RAD51B: variants seen among roughly 807,000 people sequenced by gnomAD.
The protein encoded by RAD51B is RAD51 paralog B, also known as DNA repair protein RAD51 homolog 2.
A neutral mutation model predicts 42.2 loss-of-function variants in RAD51B; 38 were observed. The observed-to-expected ratio is 0.90, with a 90% CI of 0.70 to 1.18. RAD51B has a LOEUF of 1.18. Among genes scored for constraint, RAD51B ranks in the 50% most tolerant of loss-of-function variants. RAD51B has a pLI of 0.00. For synonymous variants in RAD51B, 154 were observed against 145.2 expected, an observed-to-expected ratio of 1.06 and a Z score of -0.43; for missense variants, 373 against 400.7, an observed-to-expected ratio of 0.93 and a Z score of 0.59.
In RAD51B at chr14:68,127,414, T is replaced by C. The variant is rs114667243; in HGVS notation, c.757-164470T>C. Among the ~76,000 whole-genome samples the C allele has an allele frequency of 4.8e-3, 737 of 152,244 alleles. 3 individuals are homozygous for C. Among genetic ancestry groups the C allele is most frequent in the African/African-American group, 0.017 (704 of 41,512 alleles). ...CAAATTCCATGGGGATAGGACTAAG[T>C]CCTCCATCTGTATTAACCCAGGGCC... On this transcript the variant is annotated intron_variant, in intron 7 of 10. Coordinates refer to ENST00000471583, the MANE Select transcript of RAD51B (RefSeq NM_133510.4).
intron 10 of RAD51B, among the ~76,000 whole-genome samples, chr14:68,586,077 A>G (rs1595000492): frequency 7.0e-6 from 1 of 143,006 alleles, no homozygotes; most frequent in Non-Finnish European, 1.5e-5. Flanking sequence ...CCTTACCCCC[A>G]TCACCTCCTA....
chr14:68,620,500 G>A (rs1595032172), intron 10 of RAD51B, among the ~76,000 whole-genome samples: 2 of 152,226 alleles, frequency 1.3e-5, no homozygotes, highest in African/African-American at 4.8e-5. Flanking sequence ...TCAAGGCTTA[G>A]AGAGTATAGT....
chr14:68,278,677 T>C (rs1038705316), intron 7 of RAD51B, among the ~76,000 whole-genome samples: 1 of 152,220 alleles, frequency 6.6e-6, no homozygotes, highest in African/African-American at 2.4e-5. Context: ...TGTTTGTTTG[T>C]TTTGTTTTGT....
chr14:68,018,596 G>C (rs1329757721), intron 7 of RAD51B, among the ~76,000 whole-genome samples: 1 of 152,044 alleles, frequency 6.6e-6, no homozygotes, highest in Non-Finnish European at 1.5e-5. Flanking sequence ...GGAATTCCCG[G>C]AACTTCTTAG....
chr14:68,562,547 C>T lies in RAD51B; in HGVS notation c.1037-31938C>T, dbSNP rs893257184. On this transcript the variant is annotated intron_variant, in intron 10 of 10. Coordinates refer to the RAD51B transcript ENST00000487270. ...CAGCACCCACAGCCATGTTTTGGCA[C>T]GTGGCAAACTAACTCCTTTTGTGTA... The T allele has an allele frequency of 1.1e-5, 11 of 985,308 alleles. No individual in the cohort carries two copies. In the African/African-American group the frequency reaches 1.4e-4, roughly 13 times the overall value. 61.0% of individuals were successfully genotyped at this position (985,308 alleles called of 1,614,324 possible).
intron 5 of RAD51B, among the ~76,000 whole-genome samples, chr14:67,871,001 A>G (rs2042510294): frequency 6.6e-6 from 1 of 151,826 alleles, no homozygotes; most frequent in African/African-American, 2.4e-5. Context: ...TCCAAAATTG[A>G]CAGCCTAACA....
chr14:68,332,217 C>G (rs186819169), intron 8 of RAD51B, among the ~76,000 whole-genome samples: 29 of 152,220 alleles, frequency 1.9e-4, no homozygotes, highest in Admixed American at 8.5e-4. Flanking sequence ...TACTGTATTA[C>G]CCACCCATCC....
At chr14:68,132,734 CAG>C (rs1374583857) in intron 7 of RAD51B, among the ~76,000 whole-genome samples, 1 of 152,224 alleles carries the variant, frequency 6.6e-6, no homozygotes, top group Non-Finnish European at 1.5e-5. Context: ...CTGCTTCTCT[CAG>C]AGTATTAGCT....
At chr14:67,975,553 C>A (rs2074976976) in intron 7 of RAD51B, among the ~76,000 whole-genome samples, 1 of 152,220 alleles carries the variant, frequency 6.6e-6, no homozygotes, top group Non-Finnish European at 1.5e-5. Flanking sequence ...TTTAATTGAG[C>A]AAATCTGGCG....
At chr14:68,567,876 A>G (rs1019202863) in intron 10 of RAD51B, among the ~76,000 whole-genome samples, 1 of 152,196 alleles carries the variant, frequency 6.6e-6, no homozygotes, top group Non-Finnish European at 1.5e-5. Flanking sequence ...GGATTCTACC[A>G]TAGTGCCTGG....
chr14:67,944,040 GAC>G (rs1462953633), intron 7 of RAD51B, among the ~76,000 whole-genome samples: 1 of 152,054 alleles, frequency 6.6e-6, no homozygotes, highest in African/African-American at 2.4e-5. Flanking sequence ...GATCTGAACA[GAC>G]ACAGTAGATG....
At chr14:67,928,107 C>T (rs2044591625) in intron 7 of RAD51B, among the ~76,000 whole-genome samples, 1 of 152,106 alleles carries the variant, frequency 6.6e-6, no homozygotes, top group Non-Finnish European at 1.5e-5. Context: ...TGGTAGAATT[C>T]AGCAGTGACT....
chr14:68,084,168 T>A (rs1295713188), intron 7 of RAD51B, among the ~76,000 whole-genome samples: 1 of 152,244 alleles, frequency 6.6e-6, no homozygotes, highest in Non-Finnish European at 1.5e-5. Flanking sequence ...ACTAAGGCAT[T>A]ATTTAAACTT....
chr14:68,308,478 A>G (rs1481806211), intron 8 of RAD51B, among the ~76,000 whole-genome samples: 1 of 152,166 alleles, frequency 6.6e-6, no homozygotes, highest in Non-Finnish European at 1.5e-5. Context: ...ATTATTTAAG[A>G]TAATAAAAGG....
intron 7 of RAD51B, among the ~76,000 whole-genome samples, chr14:67,901,405 T>A (rs967548702): frequency 6.6e-6 from 1 of 152,176 alleles, no homozygotes; most frequent in African/African-American, 2.4e-5. Flanking sequence ...ATCATATTTC[T>A]TCTCATTAGC....
At chr14:68,540,775 C>G in intron 10 of RAD51B, 1 of 985,222 alleles carries the variant, frequency 1.0e-6, no homozygotes, top group Non-Finnish European at 1.2e-6. Flanking sequence ...TGTGAGGACT[C>G]CAAGGTTGAG....
intron 10 of RAD51B, among the ~76,000 whole-genome samples, chr14:68,533,750 G>A (rs1887452069): frequency 6.6e-6 from 1 of 152,188 alleles, no homozygotes; most frequent in Non-Finnish European, 1.5e-5. Flanking sequence ...GCCTTTCTGA[G>A]CAATGTTGAG....
intron 9 of RAD51B, among the ~76,000 whole-genome samples, chr14:68,459,967 T>G (rs767621525): frequency 6.6e-5 from 10 of 152,160 alleles, no homozygotes; most frequent in Non-Finnish European, 1.2e-4. Flanking sequence ...TCATGACTGG[T>G]GTACAGGAAG....
chr14:68,246,210 GCCT>G (rs886878201), intron 7 of RAD51B, among the ~76,000 whole-genome samples: 229 of 152,086 alleles, frequency 1.5e-3, no homozygotes, highest in African/African-American at 5.2e-3. Flanking sequence ...ATTCCATGAA[GCCT>G]CCTGGCTCTG....
Sources: allele counts gnomAD v4.1 joint callset (sites outside exome capture counted in the v4.1 genomes callset), GRCh38; gene constraint gnomAD v4.1.1; transcripts MANE v1.5; gene names NCBI Gene and HGNC (gene_info 2026-07-23, HGNC 2026-07-21).